Variants in FBXL7 observed in about 807,000 individuals in gnomAD.
The protein encoded by FBXL7 is F-box and leucine rich repeat protein 7.
Under a neutral mutation model 38.3 loss-of-function variants are expected in FBXL7, and 12 were observed. That is an observed-to-expected ratio of 0.31 (90% CI 0.20 to 0.51). The LOEUF (loss-of-function observed/expected upper bound fraction) is 0.51, where lower values mean the gene tolerates loss of function less well. FBXL7 is among the 20% of genes least tolerant of loss of function. The probability of loss-of-function intolerance (pLI) is 0.98; values close to 1 mark genes in which losing one functional copy is unlikely to be tolerated. For missense variants in FBXL7, 567 were observed against 676.4 expected (o/e 0.84, Z 1.79); for synonymous variants, 297 against 300.9 (o/e 0.99, Z 0.13).
At chr5:15,917,683 A>AAGGAAGGAAGGAAGG (rs1554034065) in intron 2 of FBXL7, among the ~76,000 whole-genome samples, 2 of 149,668 alleles carry the variant, frequency 1.3e-5, no homozygotes, top group East Asian at 4.0e-4. Context: ...GGAAGGAAGG[A>AAGGAAGGAAGGAAGG]AGGAAGGAAG....
At chr5:15,667,171 A>G (rs907963867) in intron 2 of FBXL7, among the ~76,000 whole-genome samples, 29 of 152,296 alleles carry the variant, frequency 1.9e-4, no homozygotes, top group African/African-American at 7.0e-4. Context: ...CTAGGCTAAC[A>G]TTTCACATTC....
chr5:15,630,981 T>C (rs1740978564), intron 2 of FBXL7, among the ~76,000 whole-genome samples: 2 of 152,184 alleles, frequency 1.3e-5, no homozygotes, highest in African/African-American at 2.4e-5. Context: ...CCAGTTCTTC[T>C]CCATATGCAT....
intron 2 of FBXL7, among the ~76,000 whole-genome samples, chr5:15,833,574 T>C (rs570406261): frequency 1.5e-3 from 228 of 152,270 alleles, no homozygotes; most frequent in African/African-American, 5.3e-3. Context: ...TCAGCAAACA[T>C]GGAACAAGAC....
chr5:15,568,185 A>G (rs1407031980), intron 1 of FBXL7, among the ~76,000 whole-genome samples: 2 of 151,760 alleles, frequency 1.3e-5, no homozygotes, highest in South Asian at 2.1e-4. Context: ...GACTTCCACA[A>G]TGGTTGAACT....
intron 1 of FBXL7, among the ~76,000 whole-genome samples, chr5:15,610,553 G>A (rs942625151): frequency 2.3e-4 from 35 of 152,158 alleles, no homozygotes; most frequent in Admixed American, 2.0e-3. Flanking sequence ...TTTTCCCTCT[G>A]AATTCCTTCT....
chr5:15,865,654 C>G (rs193053234), intron 2 of FBXL7, among the ~76,000 whole-genome samples: 1 of 152,078 alleles, frequency 6.6e-6, no homozygotes, highest in Non-Finnish European at 1.5e-5. Context: ...GTCTCTCTCT[C>G]TCTCCCCACC....
At chr5:15,549,635 A>G (rs767784883) in intron 1 of FBXL7, among the ~76,000 whole-genome samples, 12 of 152,180 alleles carry the variant, frequency 7.9e-5, no homozygotes, top group Admixed American at 2.6e-4. Context: ...ATTGTAGTCA[A>G]TTATTATTGT....
chr5:15,608,311 C>T (rs1264924474), intron 1 of FBXL7, among the ~76,000 whole-genome samples: 1 of 152,060 alleles, frequency 6.6e-6, no homozygotes, highest in African/African-American at 2.4e-5. Flanking sequence ...AATGTCCTCC[C>T]CATTTTTGGT....
intron 2 of FBXL7, among the ~76,000 whole-genome samples, chr5:15,812,972 A>C (rs1195373763): frequency 6.6e-6 from 1 of 152,124 alleles, no homozygotes; most frequent in African/African-American, 2.4e-5. Flanking sequence ...ATTTTTTCAC[A>C]TTGATTTTGT....
intron 1 of FBXL7, among the ~76,000 whole-genome samples, chr5:15,564,393 T>C (rs1441448387): frequency 6.7e-6 from 1 of 149,988 alleles, no homozygotes; most frequent in Non-Finnish European, 1.5e-5. Flanking sequence ...TGTGTGTGTG[T>C]GTGTGTGTGT....
chr5:15,572,219 T>A (rs1238034536), intron 1 of FBXL7, among the ~76,000 whole-genome samples: 4 of 151,922 alleles, frequency 2.6e-5, no homozygotes, highest in African/African-American at 7.3e-5. Flanking sequence ...TTTTTCAGAG[T>A]TGAAATAATG....
intron 2 of FBXL7, among the ~76,000 whole-genome samples, chr5:15,758,186 A>G (rs952613876): frequency 1.3e-5 from 2 of 152,160 alleles, no homozygotes; most frequent in African/African-American, 4.8e-5. Flanking sequence ...CTTACTAAAA[A>G]AGAAATAAGT....
At chr5:15,575,186 T>C (rs7733607) in intron 1 of FBXL7, among the ~76,000 whole-genome samples, 83,290 of 151,574 alleles carry the variant, frequency 0.55, 23,814 homozygotes, top group African/African-American at 0.69. Flanking sequence ...CAGAAAAAGC[T>C]AGCTCCAAGA....
chr5:15,857,064 A>G (rs192724886), intron 2 of FBXL7, among the ~76,000 whole-genome samples: 1 of 152,280 alleles, frequency 6.6e-6, no homozygotes, highest in Non-Finnish European at 1.5e-5. Flanking sequence ...CTTCCATAAC[A>G]TCTTACCAAT....
intron 2 of FBXL7, among the ~76,000 whole-genome samples, chr5:15,802,345 T>C (rs1368287924): frequency 6.6e-6 from 1 of 152,162 alleles, no homozygotes; most frequent in Non-Finnish European, 1.5e-5. Context: ...CATGTTTCTC[T>C]GCATGGCCAA....
chr5:15,753,613 C>A (rs2133761), intron 2 of FBXL7, among the ~76,000 whole-genome samples: 3 of 151,958 alleles, frequency 2.0e-5, no homozygotes, highest in African/African-American at 7.2e-5. Context: ...TGTTTTTCTC[C>A]TTTCAGAACT....
intron 2 of FBXL7, among the ~76,000 whole-genome samples, chr5:15,625,236 A>G (rs1740772414): frequency 6.6e-6 from 1 of 152,224 alleles, no homozygotes; most frequent in Non-Finnish European, 1.5e-5. Context: ...CCACAACTGT[A>G]TTCTTAACAC....
At chr5:15,896,245 C>T (rs1016247944) in intron 2 of FBXL7, among the ~76,000 whole-genome samples, 3 of 152,166 alleles carry the variant, frequency 2.0e-5, no homozygotes, top group Middle Eastern at 3.4e-3. Flanking sequence ...AGCCTGGTCT[C>T]GAACTCCTGA....
intron 2 of FBXL7, among the ~76,000 whole-genome samples, chr5:15,787,305 G>A (rs1216708490): frequency 1.3e-5 from 2 of 152,196 alleles, no homozygotes; most frequent in African/African-American, 4.8e-5. Flanking sequence ...ACATGCTGAA[G>A]TGAAAGTATT....
Sources: allele counts gnomAD v4.1 joint callset (sites outside exome capture counted in the v4.1 genomes callset), GRCh38; gene constraint gnomAD v4.1.1; transcripts MANE v1.5; gene names NCBI Gene and HGNC (gene_info 2026-07-23, HGNC 2026-07-21).